The following XKR6 variants were observed in gnomAD, a reference collection of about 807,000 sequenced individuals.
XKR6 encodes the protein XK related 6.
Under a neutral mutation model 56.7 loss-of-function variants are expected in XKR6, and 22 were observed. The observed-to-expected ratio is 0.39, with a 90% CI of 0.28 to 0.55. The LOEUF is 0.55. Among genes scored for constraint, XKR6 ranks in the 20% least tolerant of loss-of-function variants. The probability of loss-of-function intolerance (pLI) is 0.66; values close to 1 mark genes in which losing one functional copy is unlikely to be tolerated. For missense variants in XKR6, 852 were observed against 889.0 expected (o/e 0.96, Z 0.53); for synonymous variants, 524 against 387.8 (o/e 1.35, Z -4.13).
At chr8:10,989,902 C>G (rs116789987) in intron 1 of XKR6, among the ~76,000 whole-genome samples, 113 of 152,322 alleles carry the variant, frequency 7.4e-4, no homozygotes, top group African/African-American at 2.7e-3. Flanking sequence ...TATCTTTTGA[C>G]TGAGCTCTGT....
rs2129106225 is a variant in XKR6 at position 10,897,679 on chromosome 8, G to C, written c.*273C>G. 3.0e-6 allele frequency: 1 copy of C among 337,608 alleles called. No homozygotes were observed. The highest frequency in any genetic ancestry group is 2.1e-5 in the African/African-American group (1 of 46,956). The allele number at this position is 337,608 out of a possible 1,614,324, so 20.9% of individuals were successfully genotyped here. On this transcript the variant is annotated 3_prime_UTR_variant, in exon 3 of 3. Transcript: ENST00000416569. ...GGGATTTTTCAATACTGTTTCTTAT[G>C]TGTAAAAAACAAAAGAAAGGTTTTC...
chr8:11,056,491 G>T (rs371245138), intron 1 of XKR6, among the ~76,000 whole-genome samples: 1 of 152,118 alleles, frequency 6.6e-6, no homozygotes, highest in East Asian at 1.9e-4. Context: ...CACATGGCAG[G>T]CTCTTGGCAC....
At position 11,165,509 on chromosome 8, in the gene XKR6, G is replaced by A. The variant is rs563657332; in HGVS notation, c.764+35067C>T. ...CCTGGACACACAAGGTGAGGGCAAT[G>A]AGGGATGATGAAGAAGATGGCATGC... On this transcript the variant is annotated intron_variant, in intron 1 of 2. Transcript: ENST00000416569. 8.5e-5 allele frequency among the ~76,000 whole-genome samples: 13 copies of A among 152,282 alleles called. No homozygotes were observed. In the East Asian group the frequency reaches 2.3e-3, roughly 27 times the overall value.
chr8:10,975,745 G>A (rs1802535181), intron 1 of XKR6, among the ~76,000 whole-genome samples: 1 of 152,224 alleles, frequency 6.6e-6, no homozygotes, highest in Non-Finnish European at 1.5e-5. Context: ...CCAGCTGACC[G>A]CAAGGCCGAG....
intron 2 of XKR6, among the ~76,000 whole-genome samples, chr8:10,916,317 C>T (rs1234034727): frequency 6.6e-6 from 1 of 152,214 alleles, no homozygotes; most frequent in Non-Finnish European, 1.5e-5. Flanking sequence ...CCTCACACAA[C>T]AAAATCACCA....
At chr8:11,166,850 C>T (rs1399856042) in intron 1 of XKR6, among the ~76,000 whole-genome samples, 1 of 152,208 alleles carries the variant, frequency 6.6e-6, no homozygotes, top group African/African-American at 2.4e-5. Flanking sequence ...GCTGAGATTA[C>T]AGGCGTGAGC....
At chr8:10,997,809 C>T (rs561342677) in intron 1 of XKR6, among the ~76,000 whole-genome samples, 2 of 152,146 alleles carry the variant, frequency 1.3e-5, no homozygotes, top group Non-Finnish European at 2.9e-5. Flanking sequence ...AGAGACTCCA[C>T]GTTCACAAGC....
At chr8:10,953,085 T>C (rs1300682352) in intron 1 of XKR6, among the ~76,000 whole-genome samples, 2 of 152,202 alleles carry the variant, frequency 1.3e-5, no homozygotes, top group Non-Finnish European at 1.5e-5. Context: ...CTCCCACTGA[T>C]TCTGCACTGT....
intron 1 of XKR6, among the ~76,000 whole-genome samples, chr8:11,173,910 A>G (rs1415249899): frequency 6.6e-6 from 1 of 152,182 alleles, no homozygotes; most frequent in African/African-American, 2.4e-5. Context: ...CAGTGGGAAA[A>G]AAAGAGGGAA....
intron 1 of XKR6, among the ~76,000 whole-genome samples, chr8:10,928,017 C>A (rs1454322214): frequency 6.6e-6 from 1 of 152,216 alleles, no homozygotes; most frequent in Admixed American, 6.5e-5. Flanking sequence ...TCCAACTGCT[C>A]CCGGCTCGGT....
At chr8:11,013,723 C>T (rs1798551160) in intron 1 of XKR6, among the ~76,000 whole-genome samples, 1 of 152,292 alleles carries the variant, frequency 6.6e-6, no homozygotes, top group African/African-American at 2.4e-5. Context: ...GAAACCAGCA[C>T]CTTCATGTTT....
intron 1 of XKR6, among the ~76,000 whole-genome samples, chr8:11,102,858 T>G (rs1232360206): frequency 6.6e-6 from 1 of 152,318 alleles, no homozygotes; most frequent in African/African-American, 2.4e-5. Flanking sequence ...CCTTGGACAC[T>G]TCCCTTCCAT....
intron 1 of XKR6, among the ~76,000 whole-genome samples, chr8:11,006,135 T>G (rs754290387): frequency 6.6e-6 from 1 of 152,098 alleles, no homozygotes; most frequent in Non-Finnish European, 1.5e-5. Flanking sequence ...TGAACCACTG[T>G]GACTGACTAA....
intron 2 of XKR6, among the ~76,000 whole-genome samples, chr8:10,899,358 G>A (rs1799974136): frequency 6.6e-6 from 1 of 152,192 alleles, no homozygotes; most frequent in Admixed American, 6.5e-5. Context: ...GAAGACCAAG[G>A]GTTTACCCAC....
chr8:11,178,230 A>G (rs1802760109), intron 1 of XKR6, among the ~76,000 whole-genome samples: 1 of 152,150 alleles, frequency 6.6e-6, no homozygotes, highest in Non-Finnish European at 1.5e-5. Context: ...TTGCACTCTC[A>G]ACAACAAATC....
chr8:10,908,709 C>A (rs1444813465), intron 2 of XKR6, among the ~76,000 whole-genome samples: 1 of 152,156 alleles, frequency 6.6e-6, no homozygotes, highest in African/African-American at 2.4e-5. Context: ...ATGTGTCCCC[C>A]AAAAATTCAT....
At chr8:11,135,453 T>C (rs1201500718) in intron 1 of XKR6, among the ~76,000 whole-genome samples, 1 of 152,224 alleles carries the variant, frequency 6.6e-6, no homozygotes, top group Non-Finnish European at 1.5e-5. Flanking sequence ...TACAGTTTAA[T>C]ATTGCTATCT....
rs200316066 is a variant in XKR6 at position 10,951,301 on chromosome 8, G to T, written c.765-26471C>A. On this transcript the variant is annotated intron_variant, in intron 1 of 2. Coordinates refer to ENST00000416569, the MANE Select transcript of XKR6 (RefSeq NM_173683.4). ...GATAGAAAAGTGTGTGTGTGTGTGG[G>T]GGGGGGGGGCCCCCACAGTGGTGAC... Among the ~76,000 whole-genome samples, 332 of 146,616 alleles carry T rather than the reference G, an allele frequency of 2.3e-3. 6 individuals are homozygous for T. Among genetic ancestry groups the T allele is most frequent in the Admixed American group, 6.3e-3 (95 of 15,030 alleles).
intron 1 of XKR6, among the ~76,000 whole-genome samples, chr8:11,052,075 G>T (rs986402332): frequency 6.6e-6 from 1 of 152,132 alleles, no homozygotes; most frequent in East Asian, 1.9e-4. Context: ...TCCACCGCCT[G>T]CCTCTCTGTC....
Sources: gnomAD v4.1 joint callset for allele counts (sites outside exome capture counted in the v4.1 genomes callset) on GRCh38, gnomAD v4.1.1 for gene constraint, MANE v1.5 for transcripts, NCBI Gene and HGNC (gene_info 2026-07-23, HGNC 2026-07-21) for gene names.